Variants in CAMTA1 observed in about 807,000 individuals in gnomAD.
CAMTA1 encodes calmodulin-binding transcription activator 1.
A neutral mutation model predicts 170.9 loss-of-function variants in CAMTA1; 27 were observed. The ratio of observed to expected loss-of-function variants is 0.16; its 90% CI spans 0.12 to 0.22. The LOEUF is 0.22. Among genes scored for constraint, CAMTA1 ranks in the 10% least tolerant of loss-of-function variants. The probability of loss-of-function intolerance (pLI) is 1.00; values close to 1 mark genes in which losing one functional copy is unlikely to be tolerated. For missense variants in CAMTA1, 1,619 were observed against 2,217.2 expected, an observed-to-expected ratio of 0.73 and a Z score of 5.42; for synonymous variants, 833 against 891.5, an observed-to-expected ratio of 0.93 and a Z score of 1.17.
intron 5 of CAMTA1, among the ~76,000 whole-genome samples, chr1:7,264,938 C>T (rs1668682545): frequency 6.6e-6 from 1 of 152,116 alleles, no homozygotes; most frequent in Admixed American, 6.5e-5. Context: ...CAAATAAATA[C>T]AAGTGAATTA....
chr1:7,257,076 C>CGGG (rs146110106), intron 5 of CAMTA1, among the ~76,000 whole-genome samples: 5,745 of 132,684 alleles, frequency 0.043, 277 homozygotes, highest in Non-Finnish European at 0.061. Context: ...CATCGCATGG[C>CGGG]GGGGGCGGGG....
rs556382888 is a variant in CAMTA1, at chr1:7,390,724, G to T, written c.439-77106G>T. Among the ~76,000 whole-genome samples, 37 of 152,340 alleles carry T rather than the reference G, an allele frequency of 2.4e-4. No homozygotes were observed. The East Asian group carries it at 7.0e-3, about 29-fold the overall frequency. ...CTGCTCCACTCTGCAAAGAAAAAGAGCACCTCTCCCCCACATGCATTCCTA... is the reference window on the plus strand; with the variant it reads ...CTGCTCCACTCTGCAAAGAAAAAGATCACCTCTCCCCCACATGCATTCCTA... On this transcript the variant is annotated intron_variant, in intron 5 of 22. Transcript: ENST00000303635.
chr1:6,977,354 A>G (rs113508804), intron 3 of CAMTA1, among the ~76,000 whole-genome samples: 19 of 150,978 alleles, frequency 1.3e-4, no homozygotes, highest in Non-Finnish European at 2.1e-4. Context: ...TTAATTTGAG[A>G]AGGAGTCTTG....
At chr1:7,583,147 AG>A (rs2095276073) in intron 6 of CAMTA1, among the ~76,000 whole-genome samples, 1 of 152,186 alleles carries the variant, frequency 6.6e-6, no homozygotes, top group Middle Eastern at 3.4e-3. Context: ...GGGCGTTAGC[AG>A]GGGGCCTAAA....
intron 4 of CAMTA1, among the ~76,000 whole-genome samples, chr1:7,102,314 T>G (rs1179576425): frequency 6.6e-6 from 1 of 152,146 alleles, no homozygotes; most frequent in Non-Finnish European, 1.5e-5. Flanking sequence ...GGCAGCCACG[T>G]CCGGGAGGGG....
intron 4 of CAMTA1, among the ~76,000 whole-genome samples, chr1:7,145,443 C>A (rs907700367): frequency 1.3e-5 from 2 of 152,128 alleles, no homozygotes; most frequent in South Asian, 4.1e-4. Context: ...GCTTTTAATA[C>A]AGGAGGAGCA....
At chr1:7,071,879 C>T (rs567456059) in intron 3 of CAMTA1, among the ~76,000 whole-genome samples, 3 of 152,274 alleles carry the variant, frequency 2.0e-5, no homozygotes, top group East Asian at 1.9e-4. Flanking sequence ...GCAAAGAGGA[C>T]GGAGGTGTTT....
intron 19 of CAMTA1, among the ~76,000 whole-genome samples, chr1:7,750,751 A>G (rs2096890906): frequency 6.6e-6 from 1 of 152,238 alleles, no homozygotes; most frequent in South Asian, 2.1e-4. Context: ...GTCGTGTGGA[A>G]TGATAGTTAA....
At position 7,663,742 on chromosome 1, in the gene CAMTA1, G is replaced by T; in HGVS notation, c.1195G>T (p.Val399Leu). ...VMGSLSQSAT[V>L]FMSEVTNEAV... ...GGGGAGCTTGTCCCAGAGCGCCACGGTGTTCATGTCAGAGGTCACCAATGA... is the reference window on the plus strand; with the variant it reads ...GGGGAGCTTGTCCCAGAGCGCCACGTTGTTCATGTCAGAGGTCACCAATGA... Residue 399 changes from valine to leucine, a missense_variant, in exon 9 of 23, where the codon GTG (valine) becomes TTG (leucine). By Grantham distance (32) the Val-to-Leu change is conservative (BLOSUM62 1). Transcript: ENST00000303635. 6.2e-7 allele frequency: 1 copy of T among 1,614,024 alleles called. No homozygotes were observed. Among genetic ancestry groups the T allele is most frequent in the Non-Finnish European group, 8.5e-7 (1 of 1,179,960 alleles).
At chr1:7,236,639 C>A (rs1433012919) in intron 4 of CAMTA1, among the ~76,000 whole-genome samples, 1 of 152,212 alleles carries the variant, frequency 6.6e-6, no homozygotes, top group Non-Finnish European at 1.5e-5. Context: ...CAATACCCAG[C>A]TACTAAAGTG....
chr1:7,280,275 C>T (rs556501129), intron 5 of CAMTA1, among the ~76,000 whole-genome samples: 5 of 152,240 alleles, frequency 3.3e-5, no homozygotes, highest in Middle Eastern at 3.4e-3. Context: ...TTCTGAATTG[C>T]GCCCACCAGG....
rs760656013 is a variant in CAMTA1 at position 6,887,178 on chromosome 1, C to T, written c.234+61968C>T. 1.3e-5 allele frequency among the ~76,000 whole-genome samples: 2 copies of T among 152,084 alleles called. No individual in the cohort carries two copies. The highest frequency in any genetic ancestry group is 2.4e-5 in the African/African-American group (1 of 41,402). ...TGTACATAATGACTCCCCTGGGTTG[C>T]TATGTTAGAAGAAAACCCAAAACTT... On this transcript the variant is annotated intron_variant, in intron 3 of 22. Transcript: ENST00000303635. The surrounding 1 kb of genome is among the most constrained non-coding windows in gnomAD (Gnocchi z 4.1).
At chr1:7,410,379 G>C (rs1042557331) in intron 5 of CAMTA1, among the ~76,000 whole-genome samples, 1 of 152,322 alleles carries the variant, frequency 6.6e-6, no homozygotes, top group Non-Finnish European at 1.5e-5. Flanking sequence ...CACCTGGCTC[G>C]AGCCTCTGAA....
At chr1:7,439,391 C>T (rs545820353) in intron 5 of CAMTA1, among the ~76,000 whole-genome samples, 4 of 152,286 alleles carry the variant, frequency 2.6e-5, no homozygotes, top group Admixed American at 2.0e-4. Flanking sequence ...CCTGCCCCTG[C>T]ACCACCCAGG....
At chr1:6,946,294 C>T (rs997103079) in intron 3 of CAMTA1, among the ~76,000 whole-genome samples, 30 of 151,800 alleles carry the variant, frequency 2.0e-4, no homozygotes, top group African/African-American at 7.0e-4. Context: ...TGGGCTCAAG[C>T]GATCCTCCTC....
chr1:7,191,227 G>T (rs1370221768), intron 4 of CAMTA1, among the ~76,000 whole-genome samples: 1 of 152,136 alleles, frequency 6.6e-6, no homozygotes, highest in Non-Finnish European at 1.5e-5. Flanking sequence ...AGAATTACTG[G>T]GTAGGACACC....
At chr1:6,929,960 T>C (rs1223965792) in intron 3 of CAMTA1, among the ~76,000 whole-genome samples, 4 of 152,184 alleles carry the variant, frequency 2.6e-5, no homozygotes, top group Non-Finnish European at 5.9e-5. Context: ...ACCCATTCAA[T>C]GTGGTCTTGA....
intron 4 of CAMTA1, among the ~76,000 whole-genome samples, chr1:7,190,266 C>T (rs768499014): frequency 6.6e-5 from 10 of 152,122 alleles, no homozygotes; most frequent in Non-Finnish European, 1.2e-4. Flanking sequence ...CACCTGTTCC[C>T]CCAAAACCTA....
At chr1:6,894,088 A>C (rs960244315) in intron 3 of CAMTA1, among the ~76,000 whole-genome samples, 1 of 152,264 alleles carries the variant, frequency 6.6e-6, no homozygotes, top group Non-Finnish European at 1.5e-5. Context: ...GGCAAGCACA[A>C]TTAAGTGAAC....
Sources: allele counts gnomAD v4.1 joint callset (sites outside exome capture counted in the v4.1 genomes callset), GRCh38; gene constraint gnomAD v4.1.1; non-coding constraint Gnocchi (gnomAD v3.1); transcripts MANE v1.5; gene names NCBI Gene and HGNC (gene_info 2026-07-23, HGNC 2026-07-21).